Variants in PSMA5 observed in about 807,000 individuals in gnomAD.
PSMA5 encodes the protein proteasome 20S subunit alpha 5.
PSMA5 carries 3 observed loss-of-function variants against 34.5 expected under a neutral mutation model. That is an observed-to-expected ratio of 0.09 (90% CI 0.04 to 0.22). PSMA5 has a LOEUF of 0.22. Among genes scored for constraint, PSMA5 ranks in the 10% least tolerant of loss-of-function variants. The probability of loss-of-function intolerance (pLI) is 1.00; values close to 1 mark genes in which losing one functional copy is unlikely to be tolerated. For missense variants in PSMA5, 120 were observed against 286.1 expected (o/e 0.42, Z 4.19); for synonymous variants, 88 against 95.8 (o/e 0.92, Z 0.47).
chr1:109,419,742 T>C (rs1031740216), intron 2 of PSMA5, among the ~76,000 whole-genome samples: 1 of 139,428 alleles, frequency 7.2e-6, no homozygotes, highest in African/African-American at 2.9e-5. Flanking sequence ...GAGGTTGCAG[T>C]GGGCTGAGAT....
At chr1:109,421,040 T>A (rs1654417990) in intron 2 of PSMA5, among the ~76,000 whole-genome samples, 6 of 140,216 alleles carry the variant, frequency 4.3e-5, no homozygotes, top group Admixed American at 7.1e-5. Flanking sequence ...AAAAAAAAAA[T>A]TAGCCAGGCA....
chr1:109,410,974 TA>T, intron 7 of PSMA5, 36 bp downstream of exon 7: 3 of 1,451,474 alleles, frequency 2.1e-6, no homozygotes, highest in Non-Finnish European at 2.9e-6. Flanking sequence ...TATACCATGA[TA>T]AAAAAATAGT....
At chr1:109,410,103 GTATT>G (rs1653933594) in intron 7 of PSMA5, 89 bp from the exon 8 acceptor site, 1 of 847,024 alleles carries the variant, frequency 1.2e-6, no homozygotes, top group African/African-American at 1.7e-5. Context: ...ACTGAAAAAA[GTATT>G]TAGCAAGTAT....
At position 109,409,913 on chromosome 1, in the gene PSMA5, TA is replaced by T; in HGVS notation, c.648+14del. 7 of 1,564,548 alleles carry T rather than the reference TA, an allele frequency of 4.5e-6. No homozygotes were observed. The highest frequency in any genetic ancestry group is 6.1e-6 in the Non-Finnish European group (7 of 1,148,506). ...AAAAAAACCGAAAAAAATCCAACAA[TA>T]AAACAGAAAGTACCTCAATGTTTGT... is the stretch of plus-strand genomic sequence containing the variant. On this transcript the variant is annotated intron_variant, in intron 8 of 8. Coordinates refer to ENST00000271308, the MANE Select transcript of PSMA5 (RefSeq NM_002790.4).
chr1:109,419,707 G>A (rs1423241840), intron 2 of PSMA5, among the ~76,000 whole-genome samples: 1 of 150,814 alleles, frequency 6.6e-6, no homozygotes, highest in Non-Finnish European at 1.5e-5. Context: ...GCTGAGGCAG[G>A]AGAATTGCTT....
intron 4 of PSMA5, chr1:109,412,682 A>G (rs922598313): frequency 1.0e-4 from 19 of 185,504 alleles, no homozygotes; most frequent in Admixed American, 2.3e-4. Context: ...GGTACAAGTT[A>G]TTACTCACCA....
At chr1:109,425,871 AC>A in intron 1 of PSMA5, 1 of 183,666 alleles carries the variant, frequency 5.4e-6, no homozygotes, top group South Asian at 1.4e-4. Context: ...AAGAAACTAT[AC>A]ACCGCAGCAT....
At chr1:109,418,024 G>A (rs1177535538) in intron 2 of PSMA5, among the ~76,000 whole-genome samples, 1 of 151,960 alleles carries the variant, frequency 6.6e-6, no homozygotes, top group Non-Finnish European at 1.5e-5. Flanking sequence ...AGGAGTTTGA[G>A]ACCAGCCTGG....
In PSMA5 at chr1:109,409,995, G is replaced by T; in HGVS notation, c.581C>A (p.Ala194Asp). 1 of 1,605,766 alleles carries T rather than the reference G, an allele frequency of 6.2e-7. No individual in the cohort carries two copies. Among genetic ancestry groups the T allele is most frequent in the Non-Finnish European group, 8.5e-7 (1 of 1,173,666 alleles). Residue 194 changes from alanine (A) to aspartate (D), a missense_variant, in exon 8 of 9, where the codon GCC (alanine) becomes GAC (aspartate). Transcript: ENST00000271308. ...GAGGATGATGAGTGAAGACTTGATGGCTTCTTTCAAAGTCATAGACTTGAA... is the reference window on the plus strand; with the variant it reads ...GAGGATGATGAGTGAAGACTTGATGTCTTCTTTCAAAGTCATAGACTTGAA... ...VYHKSMTLKE[A>D]IKSSLIILKQ...
At chr1:109,426,177 T>C in intron 1 of PSMA5, 125 bp downstream of exon 1, 1 of 1,333,690 alleles carries the variant, frequency 7.5e-7, no homozygotes, top group South Asian at 1.2e-5. Flanking sequence ...GGGCATAACA[T>C]CCCCAGGTCC....
intron 1 of PSMA5, chr1:109,425,448 T>C (rs189082147): frequency 1.3e-5 from 2 of 152,280 alleles, no homozygotes; most frequent in Non-Finnish European, 2.9e-5. Context: ...ACACATCTTC[T>C]ACGAGTCAGT....
chr1:109,416,196 T>A (rs901340244), intron 2 of PSMA5, among the ~76,000 whole-genome samples: 1 of 152,226 alleles, frequency 6.6e-6, no homozygotes. Flanking sequence ...TCTCTCAATG[T>A]ATCTCTAATG....
At chr1:109,408,502 C>G (rs141118472) in intron 8 of PSMA5, among the ~76,000 whole-genome samples, 1 of 152,138 alleles carries the variant, frequency 6.6e-6, no homozygotes, top group Non-Finnish European at 1.5e-5. Flanking sequence ...ACACAGTATA[C>G]TACTTGAATA....
At position 109,400,462 on chromosome 1, in the gene PSMA5, A is replaced by C. The variant is rs1483389322; in HGVS notation, c.*1551T>G. 1 of 152,268 alleles carries C rather than the reference A, an allele frequency of 6.6e-6. No individual in the cohort carries two copies. Among genetic ancestry groups the C allele is most frequent in the Non-Finnish European group, 1.5e-5 (1 of 68,050 alleles). 9.4% of individuals were successfully genotyped at this position (152,268 alleles called of 1,614,324 possible). A position where few individuals can be genotyped will look rare whatever the true frequency, so the allele number is the denominator to read the frequency against. ...TGCTCAATAAATTTGTTACAGGAATAAATGAGATAGGATTTTCAAGGGTAT... is the reference window on the plus strand; with the variant it reads ...TGCTCAATAAATTTGTTACAGGAATCAATGAGATAGGATTTTCAAGGGTAT... On this transcript the variant is annotated 3_prime_UTR_variant, in exon 9 of 9. Coordinates refer to ENST00000271308, the MANE Select transcript of PSMA5 (RefSeq NM_002790.4).
chr1:109,411,041 G>C lies in PSMA5; in HGVS notation c.531C>G (p.Ala177=). The C allele has an allele frequency of 2.5e-6, 4 of 1,613,584 alleles. No individual in the cohort carries two copies. The highest frequency in any genetic ancestry group is 1.7e-6 in the Non-Finnish European group (2 of 1,179,768). ...GGTAAACTTCTTGCAAGGAGCTCTG[G>C]GCACCCTCTGAAGCAGAGCCAATTG... ...ARAIGSASEG[A]QSSLQEVYHK... Residue 177 remains alanine (A), a synonymous_variant, in exon 7 of 9, where the codon GCC becomes GCG. Transcript: ENST00000271308.
chr1:109,420,073 A>T (rs900700583), intron 2 of PSMA5, among the ~76,000 whole-genome samples: 4 of 152,154 alleles, frequency 2.6e-5, no homozygotes, highest in Admixed American at 6.6e-5. Flanking sequence ...TGCATTATTG[A>T]TCATCCTAAA....
At chr1:109,414,020 TA>T (rs986604683) in intron 3 of PSMA5, among the ~76,000 whole-genome samples, 28 of 152,308 alleles carry the variant, frequency 1.8e-4, no homozygotes, top group African/African-American at 6.7e-4. Context: ...CCTCATTGCT[TA>T]AAACCTTTCC....
intron 8 of PSMA5, among the ~76,000 whole-genome samples, chr1:109,403,394 C>T (rs931806579): frequency 6.6e-6 from 1 of 151,592 alleles, no homozygotes; most frequent in Non-Finnish European, 1.5e-5. Flanking sequence ...GAGACTGAGG[C>T]GGGAGGATCA....
intron 2 of PSMA5, among the ~76,000 whole-genome samples, chr1:109,416,605 C>A (rs188533786): frequency 6.6e-6 from 1 of 152,182 alleles, no homozygotes; most frequent in African/African-American, 2.4e-5. Context: ...AAGAATCCCA[C>A]GAATCTTTAT....
Sources: gnomAD v4.1 joint callset for allele counts (sites outside exome capture counted in the v4.1 genomes callset) on GRCh38, gnomAD v4.1.1 for gene constraint, MANE v1.5 for transcripts, NCBI Gene and HGNC (gene_info 2026-07-23, HGNC 2026-07-21) for gene names.